The following IRAK1BP1 variants were observed in gnomAD, a reference collection of about 807,000 sequenced individuals.
IRAK1BP1 encodes the protein interleukin 1 receptor associated kinase 1 binding protein 1, also known as interleukin-1 receptor-associated kinase 1-binding protein 1.
A neutral mutation model predicts 28.0 loss-of-function variants in IRAK1BP1; 24 were observed. The observed-to-expected ratio is 0.86, with a 90% CI of 0.62 to 1.20. IRAK1BP1 has a LOEUF of 1.20. IRAK1BP1 is among the 50% of genes most tolerant of loss of function. The probability of loss-of-function intolerance (pLI) is 0.00; values close to 1 mark genes in which losing one functional copy is unlikely to be tolerated. For missense variants in IRAK1BP1, 336 were observed against 316.7 expected, an observed-to-expected ratio of 1.06 and a Z score of -0.46; for synonymous variants, 131 against 116.3, an observed-to-expected ratio of 1.13 and a Z score of -0.81.
At chr6:78,920,505 G>C (rs1772695036) in intron 4 of IRAK1BP1, among the ~76,000 whole-genome samples, 1 of 152,134 alleles carries the variant, frequency 6.6e-6, no homozygotes, top group African/African-American at 2.4e-5. Context: ...GCTGCTCTTT[G>C]ACAAAGATGA....
At chr6:78,961,613 A>G in the IRAK1BP1 span, 30 of 1,452,616 alleles carry the variant, frequency 2.1e-5, 1 homozygote, top group South Asian at 3.6e-4. Flanking sequence ...AAGTTGAGAA[A>G]CACTGCTAAA....
At chr6:78,886,710 G>C (rs1387423146) in intron 2 of IRAK1BP1, among the ~76,000 whole-genome samples, 1 of 152,158 alleles carries the variant, frequency 6.6e-6, no homozygotes, top group Non-Finnish European at 1.5e-5. Context: ...ACACAGCCAG[G>C]CTTCATGGAA....
chr6:78,952,951 A>G, the IRAK1BP1 span, among the ~76,000 whole-genome samples: 3 of 150,734 alleles, frequency 2.0e-5, no homozygotes, highest in African/African-American at 7.3e-5. Flanking sequence ...AGAATAATCT[A>G]TTACTCAAAT....
At chr6:78,931,147 T>A (rs371784203) in intron 4 of IRAK1BP1, among the ~76,000 whole-genome samples, 1 of 152,056 alleles carries the variant, frequency 6.6e-6, no homozygotes, top group Admixed American at 6.5e-5. Context: ...ATGCATGTAA[T>A]CTTAGCACAT....
At chr6:78,972,280 C>T in the IRAK1BP1 span, among the ~76,000 whole-genome samples, 1 of 152,296 alleles carries the variant, frequency 6.6e-6, no homozygotes, top group East Asian at 1.9e-4. Context: ...TGACACCTCA[C>T]ACTGCAGGGT....
downstream of IRAK1BP1, among the ~76,000 whole-genome samples, chr6:78,903,774 A>C (rs1238350011): frequency 2.0e-5 from 3 of 151,978 alleles, no homozygotes; most frequent in African/African-American, 7.3e-5. Context: ...ACACTTTTTC[A>C]GTGTCTTTCA....
Position 78,930,573 on chromosome 6 carries a change from T to G in IRAK1BP1, c.*68-14835T>G, listed in dbSNP as rs143448210. Among the ~76,000 whole-genome samples the G allele has an allele frequency of 6.4e-4, 97 of 152,290 alleles. 1 individual carries two copies. In the South Asian group the frequency reaches 8.1e-3, roughly 13 times the overall value. On this transcript the variant is annotated intron_variant and NMD_transcript_variant, in intron 4 of 4. Coordinates refer to the IRAK1BP1 transcript ENST00000606868. ...AAACTTGTTATTTTCATTAAAATTTTTGATTAATATAGGTAGCTGACACTA... is the reference window on the plus strand; with the variant it reads ...AAACTTGTTATTTTCATTAAAATTTGTGATTAATATAGGTAGCTGACACTA...
downstream of IRAK1BP1, among the ~76,000 whole-genome samples, chr6:78,907,649 G>A (rs1772293126): frequency 6.6e-6 from 1 of 152,138 alleles, no homozygotes; most frequent in Admixed American, 6.5e-5. Flanking sequence ...CACACACAAT[G>A]AAAAATTGAG....
At chr6:78,905,999 G>A (rs577880427), downstream of IRAK1BP1, among the ~76,000 whole-genome samples, 2 of 152,246 alleles carry the variant, frequency 1.3e-5, no homozygotes, top group Admixed American at 1.3e-4. Context: ...AAAATCTAAA[G>A]AATGTTTTAA....
At chr6:78,945,205 G>A (rs980677440) in intron 4 of IRAK1BP1, 23 of 918,362 alleles carry the variant, frequency 2.5e-5, no homozygotes, top group Non-Finnish European at 3.5e-5. Flanking sequence ...TTTTAAGTGG[G>A]CAACCTGAAA....
chr6:78,922,575 C>T (rs1327436570), intron 4 of IRAK1BP1, among the ~76,000 whole-genome samples: 4 of 152,078 alleles, frequency 2.6e-5, no homozygotes, highest in African/African-American at 9.7e-5. Context: ...ACAGAGAGTG[C>T]CACAAAGGTA....
chr6:78,947,097 T>G (rs535659419), downstream of IRAK1BP1, among the ~76,000 whole-genome samples: 1 of 152,308 alleles, frequency 6.6e-6, no homozygotes, highest in Non-Finnish European at 1.5e-5. Flanking sequence ...TTTGAGATTC[T>G]TAAAGAAAAG....
the IRAK1BP1 span, chr6:78,970,040 A>G: frequency 6.2e-7 from 1 of 1,612,418 alleles, no homozygotes; most frequent in Non-Finnish European, 8.5e-7. Context: ...CTCTTTCAAC[A>G]GTCCTTACTT....
chr6:78,873,781 A>G (rs1224487357), intron 1 of IRAK1BP1, among the ~76,000 whole-genome samples: 1 of 152,212 alleles, frequency 6.6e-6, no homozygotes, highest in Non-Finnish European at 1.5e-5. Flanking sequence ...TTATAGAACT[A>G]TTAACTAATA....
chr6:78,947,365 C>G (rs1773881304), downstream of IRAK1BP1, among the ~76,000 whole-genome samples: 1 of 152,174 alleles, frequency 6.6e-6, no homozygotes. Flanking sequence ...CCAGATGGCT[C>G]TGGTGCATAC....
intron 1 of IRAK1BP1, chr6:78,872,224 T>C (rs1770818656): frequency 3.2e-6 from 2 of 632,802 alleles, no homozygotes; most frequent in East Asian, 2.9e-5. Context: ...ACATATCCTT[T>C]AGTGCCTTTC....
chr6:78,955,736 C>A, the IRAK1BP1 span: 1 of 652,774 alleles, frequency 1.5e-6, no homozygotes, highest in Non-Finnish European at 2.7e-6. Flanking sequence ...TAATTTTTTT[C>A]CTTAAAAATT....
intron 1 of IRAK1BP1, among the ~76,000 whole-genome samples, chr6:78,872,355 GA>G (rs1770823124): frequency 6.6e-6 from 1 of 152,148 alleles, no homozygotes; most frequent in Non-Finnish European, 1.5e-5. Context: ...ATTAAGATAA[GA>G]AGTAGTGGCA....
At chr6:78,971,655 A>G in the IRAK1BP1 span, among the ~76,000 whole-genome samples, 17 of 152,076 alleles carry the variant, frequency 1.1e-4, no homozygotes, top group Middle Eastern at 3.2e-3. Flanking sequence ...CAGTGGGCGC[A>G]GGTCAGTGGG....
Sources: gnomAD v4.1 joint callset for allele counts (sites outside exome capture counted in the v4.1 genomes callset) on GRCh38, gnomAD v4.1.1 for gene constraint, MANE v1.5 for transcripts, NCBI Gene and HGNC (gene_info 2026-07-23, HGNC 2026-07-21) for gene names.